POLR2B: variants seen among roughly 807,000 people sequenced by gnomAD.
POLR2B encodes DNA-directed RNA polymerase II subunit RPB2.
Under a neutral mutation model 144.6 loss-of-function variants are expected in POLR2B, and 57 were observed. The ratio of observed to expected loss-of-function variants is 0.39; its 90% CI spans 0.32 to 0.49. The LOEUF is 0.49. Ranked by LOEUF, POLR2B falls within the 20% of genes least tolerant of loss-of-function variation. POLR2B has a pLI of 0.83. For synonymous variants in POLR2B, 442 were observed against 469.8 expected (o/e 0.94, Z 0.77); for missense variants, 595 against 1,467.4 (o/e 0.41, Z 9.71).
chr4:57,022,237 A>G lies in POLR2B; in HGVS notation c.2506A>G (p.Thr836Ala), dbSNP rs1723576081. 1.9e-6 allele frequency: 3 copies of G among 1,596,688 alleles called. No homozygotes were observed. The highest frequency in any genetic ancestry group is 2.6e-6 in the Non-Finnish European group (3 of 1,164,846). ...EEVFEKPTRE[T>A]CQGMRHAIYD... ...AGTTTTTGAGAAGCCTACACGTGAA[A>G]CATGCCAGGGTAAGTGACACTAACA... The change falls in exon 18 of 25, where the codon ACA becomes GCA. Residue 836 changes from threonine to alanine, a missense_variant. By Grantham distance (58) the Thr-to-Ala change is moderately conservative. Transcript: ENST00000314595.
intron 5 of POLR2B, among the ~76,000 whole-genome samples, 157 bp from the exon 6 acceptor site, chr4:56,995,094 A>G (rs1310492638): frequency 6.6e-6 from 1 of 152,208 alleles, no homozygotes; most frequent in African/African-American, 2.4e-5. Context: ...ATGTATTTCT[A>G]TGAAGCATTT....
At chr4:57,028,484 C>T (rs1723795159) in intron 23 of POLR2B, among the ~76,000 whole-genome samples, 1 of 152,082 alleles carries the variant, frequency 6.6e-6, no homozygotes, top group Non-Finnish European at 1.5e-5. Context: ...GATGTATACT[C>T]AAGGGTTAAG....
intron 6 of POLR2B, among the ~76,000 whole-genome samples, chr4:56,996,615 G>A (rs1216383638): frequency 6.6e-6 from 1 of 151,724 alleles, no homozygotes; most frequent in Non-Finnish European, 1.5e-5. Context: ...TGCATGTGTG[G>A]GATGCAATGT....
At chr4:57,024,499 TA>T (rs1183456597) in intron 21 of POLR2B, among the ~76,000 whole-genome samples, 1 of 152,198 alleles carries the variant, frequency 6.6e-6, no homozygotes, top group Non-Finnish European at 1.5e-5. Flanking sequence ...GGTAAAGTGG[TA>T]ATAGTCTAAC....
intron 7 of POLR2B, among the ~76,000 whole-genome samples, chr4:57,003,848 TAA>T (rs796209267): frequency 7.0e-6 from 1 of 143,878 alleles, no homozygotes; most frequent in Admixed American, 7.0e-5. Context: ...CTGTGTCTCT[TAA>T]AAAAAAAAAG....
chr4:56,996,201 A>C (rs1578565382), intron 6 of POLR2B, among the ~76,000 whole-genome samples: 1 of 71,788 alleles, frequency 1.4e-5, no homozygotes, highest in Non-Finnish European at 2.6e-5. Context: ...CCTCTATTTC[A>C]GTTCATGTGT....
intron 13 of POLR2B, among the ~76,000 whole-genome samples, chr4:57,014,909 T>G (rs747197960): frequency 2.0e-5 from 3 of 152,158 alleles, no homozygotes; most frequent in Non-Finnish European, 4.4e-5. Flanking sequence ...TTTTTCTGGT[T>G]TGGTGCTGTC....
At chr4:57,020,636 G>A (rs969232622) in intron 16 of POLR2B, among the ~76,000 whole-genome samples, 3 of 152,158 alleles carry the variant, frequency 2.0e-5, no homozygotes, top group Non-Finnish European at 4.4e-5. Flanking sequence ...TAAGTAGGAG[G>A]TGACTCATGT....
At chr4:57,004,955 G>C (rs1253686243) in intron 7 of POLR2B, among the ~76,000 whole-genome samples, 1 of 152,124 alleles carries the variant, frequency 6.6e-6, no homozygotes, top group African/African-American at 2.4e-5. Flanking sequence ...AAAGTGCTGG[G>C]ATTACAGGCA....
At chr4:56,995,200 T>C (rs1722641610) in intron 5 of POLR2B, 51 bp from the exon 6 acceptor site, 2 of 1,375,712 alleles carry the variant, frequency 1.5e-6, no homozygotes, top group South Asian at 2.6e-5. Flanking sequence ...CTCTTTTCTC[T>C]TCAGTGATGT....
chr4:57,007,912 A>C (rs146311088), intron 10 of POLR2B, among the ~76,000 whole-genome samples: 25 of 152,314 alleles, frequency 1.6e-4, no homozygotes, highest in African/African-American at 5.1e-4. Context: ...TTGATTTGGC[A>C]TTCGGACACC....
chr4:56,996,304 CG>C (rs1465582909), intron 6 of POLR2B, among the ~76,000 whole-genome samples: 1 of 86,384 alleles, frequency 1.2e-5, no homozygotes, highest in African/African-American at 4.2e-5. Context: ...TTTTTTGAGA[CG>C]GAGTCTTGCC....
chr4:56,995,170 A>G, intron 5 of POLR2B, 81 bp from the exon 6 acceptor site: 1 of 1,027,668 alleles, frequency 9.7e-7, no homozygotes, highest in Non-Finnish European at 1.4e-6. Flanking sequence ...GTCAGATTAA[A>G]TTAAGATGCA....
Position 57,030,321 on chromosome 4 carries a change from C to T in POLR2B, c.3357C>T (p.Cys1119=). 1 of 1,614,054 alleles carries T rather than the reference C, an allele frequency of 6.2e-7. No individual in the cohort carries two copies. Among genetic ancestry groups the T allele is most frequent in the Non-Finnish European group, 8.5e-7 (1 of 1,179,960 alleles). ...CAGATCCATATCAGGTTCATGTTTG[C>T]AATCTTTGTGGAATAATGGCGATTG... ...EASDPYQVHV[C]NLCGIMAIAN... The change falls in exon 24 of 25, where the codon TGC becomes TGT. Residue 1119 remains cysteine, a synonymous_variant. Transcript: ENST00000314595.
Position 57,023,262 on chromosome 4 carries a change from T to A in POLR2B, c.2516-68T>A. 1.3e-6 allele frequency: 2 copies of A among 1,524,614 alleles called. No individual in the cohort carries two copies. The highest frequency in any genetic ancestry group is 1.8e-6 in the Non-Finnish European group (2 of 1,109,604). 94.4% of individuals were successfully genotyped at this position (1,524,614 alleles called of 1,614,324 possible). On this transcript the variant is annotated intron_variant, in intron 18 of 24. Transcript: ENST00000314595. This position sits in a 1 kb window ranked among gnomAD's most constrained non-coding sequence, Gnocchi z 4.3. ...TGTGGCCTTCTCTCTGACTTGGAAC[T>A]GATTCATGTATGTGGTTTTTAATCT... is the stretch of plus-strand genomic sequence containing the variant.
chr4:56,994,365 A>C, intron 3 of POLR2B, 39 bp from the exon 4 acceptor site: 1 of 1,067,418 alleles, frequency 9.4e-7, no homozygotes, highest in Non-Finnish European at 1.4e-6. Flanking sequence ...TTATGGAAAA[A>C]ATTATTTACC....
intron 3 of POLR2B, among the ~76,000 whole-genome samples, chr4:56,993,624 G>A (rs1722589986): frequency 1.3e-5 from 2 of 152,088 alleles, no homozygotes; most frequent in Admixed American, 1.3e-4. Context: ...GTTTTATTAG[G>A]CAGCAAGTGA....
chr4:57,004,085 G>T lies in POLR2B; in HGVS notation c.901-1161G>T, dbSNP rs144228775. On this transcript the variant is annotated intron_variant, in intron 7 of 24. Transcript: ENST00000314595. ...TCTGTTACCCAAGATGGAGTGCAGTGTCATGATCTTGGCTCACTGCAACCT... is the reference window on the plus strand; with the variant it reads ...TCTGTTACCCAAGATGGAGTGCAGTTTCATGATCTTGGCTCACTGCAACCT... Among the ~76,000 whole-genome samples, 473 of 122,696 alleles carry T rather than the reference G, an allele frequency of 3.9e-3. 3 individuals carry two copies. Among genetic ancestry groups the T allele is most frequent in the African/African-American group, 0.014 (447 of 31,454 alleles). The allele number at this position is 122,696 out of a possible 152,430, so 80.5% of individuals were successfully genotyped here. A position where few individuals can be genotyped will look rare whatever the true frequency, so the allele number is the denominator to read the frequency against.
chr4:57,013,549 T>C (rs1723268185), intron 13 of POLR2B, among the ~76,000 whole-genome samples: 1 of 26,996 alleles, frequency 3.7e-5, no homozygotes, highest in Non-Finnish European at 7.8e-5. Context: ...TTTTTTTTCT[T>C]TTTTTTTTGA....
Sources: allele counts gnomAD v4.1 joint callset (sites outside exome capture counted in the v4.1 genomes callset), GRCh38; gene constraint gnomAD v4.1.1; non-coding constraint Gnocchi (gnomAD v3.1); transcripts MANE v1.5; gene names NCBI Gene and HGNC (gene_info 2026-07-23, HGNC 2026-07-21).